The following PUS7L variants were observed in gnomAD, a reference collection of about 807,000 sequenced individuals.
PUS7L encodes the protein pseudouridylate synthase PUS7L.
A neutral mutation model predicts 51.1 loss-of-function variants in PUS7L; 49 were observed. The ratio of observed to expected loss-of-function variants is 0.96; its 90% CI spans 0.76 to 1.22. The LOEUF (loss-of-function observed/expected upper bound fraction) is 1.22, where lower values mean the gene tolerates loss of function less well. Among genes scored for constraint, PUS7L ranks in the 50% most tolerant of loss-of-function variants. The pLI, the probability that PUS7L is intolerant of heterozygous loss-of-function variation, is 0.00. For synonymous variants in PUS7L, 277 were observed against 276.2 expected, an observed-to-expected ratio of 1.00 and a Z score of -0.03; for missense variants, 828 against 820.6, an observed-to-expected ratio of 1.01 and a Z score of -0.11.
At chr12:43,747,549 C>G (rs1282937313) in intron 3 of PUS7L, among the ~76,000 whole-genome samples, 2 of 151,806 alleles carry the variant, frequency 1.3e-5, no homozygotes, top group African/African-American at 4.8e-5. Context: ...CAAAAATTAG[C>G]CAGGCATGGT....
chr12:43,730,933 A>C (rs1017564085), intron 8 of PUS7L, among the ~76,000 whole-genome samples: 4 of 152,188 alleles, frequency 2.6e-5, no homozygotes, highest in Non-Finnish European at 5.9e-5. Flanking sequence ...TAACCAACTC[A>C]AATCAGATAT....
intron 3 of PUS7L, among the ~76,000 whole-genome samples, chr12:43,746,795 G>A (rs1459794529): frequency 2.0e-5 from 3 of 152,002 alleles, no homozygotes; most frequent in South Asian, 2.1e-4. Context: ...AATTATATAC[G>A]TGACAGACTA....
At chr12:43,745,673 G>A (rs1938127547) in intron 4 of PUS7L, among the ~76,000 whole-genome samples, 1 of 152,108 alleles carries the variant, frequency 6.6e-6, no homozygotes, top group African/African-American at 2.4e-5. Context: ...TACAGTGTGT[G>A]TGATTTATAA....
At chr12:43,746,653 T>C (rs904694996) in intron 3 of PUS7L, among the ~76,000 whole-genome samples, 1 of 152,196 alleles carries the variant, frequency 6.6e-6, no homozygotes, top group Non-Finnish European at 1.5e-5. Context: ...GACCACTTCC[T>C]TACTCAAACT....
At chr12:43,731,349 A>G (rs1196293619) in intron 8 of PUS7L, among the ~76,000 whole-genome samples, 1 of 152,186 alleles carries the variant, frequency 6.6e-6, no homozygotes, top group Non-Finnish European at 1.5e-5. Flanking sequence ...AAAAGGCCAT[A>G]TACTGTAGTA....
At chr12:43,740,457 T>C (rs566519466) in intron 5 of PUS7L, among the ~76,000 whole-genome samples, 2 of 152,276 alleles carry the variant, frequency 1.3e-5, no homozygotes, top group South Asian at 4.1e-4. Flanking sequence ...CAATAAAATA[T>C]AATAAAACTT....
At chr12:43,738,093 C>G in intron 6 of PUS7L, 1 of 431,784 alleles carries the variant, frequency 2.3e-6, no homozygotes, top group Non-Finnish European at 4.1e-6. Context: ...ATTGCCCCTA[C>G]CCCTAGACAA....
At chr12:43,750,631 C>T (rs541706546) in intron 2 of PUS7L, among the ~76,000 whole-genome samples, 2 of 152,250 alleles carry the variant, frequency 1.3e-5, no homozygotes, top group East Asian at 1.9e-4. Flanking sequence ...ACCAGATGAC[C>T]TCCCACTGTA....
chr12:43,739,340 C>T (rs1937772716), intron 5 of PUS7L: 1 of 152,198 alleles, frequency 6.6e-6, no homozygotes, highest in African/African-American at 2.4e-5. Flanking sequence ...AAAAAGAAGC[C>T]TCAGAAGTTT....
intron 5 of PUS7L, among the ~76,000 whole-genome samples, 180 bp from the exon 6 acceptor site, chr12:43,738,571 C>A (rs1937727699): frequency 1.3e-5 from 2 of 152,042 alleles, no homozygotes; most frequent in Non-Finnish European, 2.9e-5. Context: ...AGAAATAAGC[C>A]TTCTGCATGA....
chr12:43,756,299 G>C (rs1377489182), intron 1 of PUS7L, among the ~76,000 whole-genome samples: 1 of 151,966 alleles, frequency 6.6e-6, no homozygotes, highest in Non-Finnish European at 1.5e-5. Context: ...TTGAAATCTG[G>C]CTATTTCTTC....
chr12:43,731,254 A>C (rs2137661055), intron 8 of PUS7L, among the ~76,000 whole-genome samples: 1 of 152,316 alleles, frequency 6.6e-6, no homozygotes, highest in East Asian at 1.9e-4. Context: ...AAGGTAGTCA[A>C]GAAAAGGAAG....
chr12:43,738,384 G>A lies in PUS7L; in HGVS notation c.1370C>T (p.Ala457Val), dbSNP rs1937718443. Residue 457 changes from alanine (A) to valine (V), a missense_variant, in exon 6 of 9, where the codon GCC (alanine) becomes GTC (valine). By Grantham distance (64) the Ala-to-Val change is moderately conservative. Transcript: ENST00000344862. ...TTCTGGTGTAAGAAACAATTTTATG[G>A]CTTTCATCTTAAAAAATCAAGCAGG... is the stretch of plus-strand genomic sequence containing the variant. ...LALLKNEMMK[A>V]IKLFLTPEDL... 6.4e-7 allele frequency: 1 copy of A among 1,560,942 alleles called. No homozygotes were observed. Among genetic ancestry groups the A allele is most frequent in the Admixed American group, 1.7e-5 (1 of 58,946 alleles).
rs978855586 is a variant in PUS7L at position 43,724,031 on chromosome 12, G to A, written c.*6345C>T. On this transcript the variant is annotated 3_prime_UTR_variant, in exon 9 of 9. Transcript: ENST00000344862. ...ATAATACACAAATATACTCATGTTT[G>A]AAATTCAAACATCAAAAGTAAATGG... The A allele has an allele frequency of 6.6e-6, 1 of 151,942 alleles. No homozygotes were observed. Among genetic ancestry groups the A allele is most frequent in the Non-Finnish European group, 1.5e-5 (1 of 67,926 alleles). 9.4% of individuals were successfully genotyped at this position (151,942 alleles called of 1,614,324 possible).
chr12:43,719,040 C>A lies in PUS7L; in HGVS notation c.*11336G>T, dbSNP rs1470477070. ...GCATTCTAAAAAATTTGATACATAACAATATAAAAGTCCTTAAAATTTATT... is the reference window on the plus strand; with the variant it reads ...GCATTCTAAAAAATTTGATACATAAAAATATAAAAGTCCTTAAAATTTATT... On this transcript the variant is annotated 3_prime_UTR_variant, in exon 9 of 9. Transcript: ENST00000344862. The A allele has an allele frequency of 6.6e-6, 1 of 151,146 alleles. No individual in the cohort carries two copies. Among genetic ancestry groups the A allele is most frequent in the South Asian group, 2.1e-4 (1 of 4,792 alleles). The allele number at this position is 151,146 out of a possible 1,614,324, so 9.4% of individuals were successfully genotyped here. A position where few individuals can be genotyped will look rare whatever the true frequency, so the allele number is the denominator to read the frequency against.
chr12:43,731,933 A>C (rs17093630), intron 7 of PUS7L, among the ~76,000 whole-genome samples, 175 bp from the exon 8 acceptor site: 4,111 of 152,300 alleles, frequency 0.027, 83 homozygotes, highest in South Asian at 0.071. Flanking sequence ...TAAAAATTAG[A>C]ATGATTCTTC....
intron 2 of PUS7L, among the ~76,000 whole-genome samples, chr12:43,750,714 G>A (rs1938400916): frequency 1.3e-5 from 2 of 152,054 alleles, no homozygotes; most frequent in African/African-American, 4.8e-5. Context: ...CCACAAAACT[G>A]TAATCTAAAA....
intron 5 of PUS7L, chr12:43,741,096 C>T (rs1211320021): frequency 1.3e-5 from 2 of 152,052 alleles, no homozygotes; most frequent in African/African-American, 4.8e-5. Flanking sequence ...ATTTGTTACA[C>T]AGCAATAATT....
chr12:43,730,194 G>T lies in PUS7L; in HGVS notation c.*182C>A. On this transcript the variant is annotated 3_prime_UTR_variant, in exon 9 of 9. Coordinates refer to ENST00000344862, the MANE Select transcript of PUS7L (RefSeq NM_031292.5). ...TGGGGTCACATGGACCTTAAATTTG[G>T]ACCCTGACACTTACATATCCTCTAT... 1.8e-6 allele frequency: 1 copy of T among 558,478 alleles called. No individual in the cohort carries two copies. The highest frequency in any genetic ancestry group is 2.6e-5 in the South Asian group (1 of 37,954). The allele number at this position is 558,478 out of a possible 1,614,324, so 34.6% of individuals were successfully genotyped here.
Sources: gnomAD v4.1 joint callset for allele counts (sites outside exome capture counted in the v4.1 genomes callset) on GRCh38, gnomAD v4.1.1 for gene constraint, MANE v1.5 for transcripts, NCBI Gene and HGNC (gene_info 2026-07-23, HGNC 2026-07-21) for gene names.